The following SCART1 variants were observed in gnomAD, a reference collection of about 807,000 sequenced individuals.
SCART1 encodes the protein scavenger receptor family member expressed on T cells 1, also known as scavenger receptor cysteine-rich domain-containing protein SCART1.
In SCART1, 62 loss-of-function variants were observed where a neutral mutation model predicts 36.2. That is an observed-to-expected ratio of 1.71 (90% CI 1.40 to 2.12). The LOEUF (loss-of-function observed/expected upper bound fraction) is 2.12, where lower values mean the gene tolerates loss of function less well. SCART1 is among the 30% of genes most tolerant of loss of function. SCART1 has a pLI of 0.00. For missense variants in SCART1, 1,041 were observed against 540.5 expected (o/e 1.93, Z -9.18); for synonymous variants, 487 against 238.7 (o/e 2.04, Z -9.59).
chr10:133,468,287 A>G (rs2133561366), exon 12 of SCART1: 2 of 213,478 alleles, frequency 9.4e-6, no homozygotes, highest in East Asian at 1.9e-4. Flanking sequence ...TCCGCTCCAC[A>G]GCTCGCTTCT....
At chr10:133,458,242 C>T (rs1241233352) in intron 3 of SCART1, 118 bp from the exon 4 acceptor site, 5 of 700,900 alleles carry the variant, frequency 7.1e-6, no homozygotes, top group Non-Finnish European at 1.3e-5. Flanking sequence ...GCTTGGTAGA[C>T]CCTCTGCCTA....
chr10:133,459,764 G>A, exon 6 of SCART1: 1 of 689,790 alleles, frequency 1.4e-6, no homozygotes, highest in Non-Finnish European at 2.6e-6. Context: ...CCCTGCAGGA[G>A]CCCGCGGGGA....
chr10:133,455,547 A>G (rs1850597756), intron 1 of SCART1, among the ~76,000 whole-genome samples: 1 of 151,864 alleles, frequency 6.6e-6, no homozygotes, highest in African/African-American at 2.4e-5. Flanking sequence ...ACCCACATGG[A>G]CTTCCTCCTA....
At chr10:133,457,632 T>TGGGGAGGGCAGG in intron 3 of SCART1, 57 bp downstream of exon 3, 1 of 613,436 alleles carries the variant, frequency 1.6e-6, no homozygotes, top group Admixed American at 2.9e-5. Context: ...GGCCCGGACC[T>TGGGGAGGGCAGG]GGGGAGGGCA....
At chr10:133,460,496 A>ATATATATTT in intron 6 of SCART1, among the ~76,000 whole-genome samples, 1 of 136,016 alleles carries the variant, frequency 7.4e-6, no homozygotes, top group African/African-American at 2.7e-5. Context: ...ATATTTATAT[A>ATATATATTT]TTTTAAAAAA....
At chr10:133,454,024 A>T (rs1235246978) in exon 1 of SCART1, 1 of 702,812 alleles carries the variant, frequency 1.4e-6, no homozygotes, top group Admixed American at 2.0e-5. Flanking sequence ...GGACCCTGGG[A>T]CTCGGGCCCC....
rs141282433 is a variant in SCART1 at position 133,458,577 on chromosome 10, C to T, written c.900C>T (p.Asn300=). ...CGGAGGCCTTCCGCTGTGCGGGCAA[C>T]GAGTCGCTGCTGTTCCACTGCCCAC... The change falls in exon 4 of 12, where the codon AAC becomes AAT. Residue 300 remains asparagine (N), a synonymous_variant. Transcript: ENST00000640237. 142 of 686,818 alleles carry T rather than the reference C, an allele frequency of 2.1e-4. 1 individual carries two copies. The highest frequency in any genetic ancestry group is 1.4e-3 in the East Asian group (52 of 37,190). 42.5% of individuals were successfully genotyped at this position (686,818 alleles called of 1,614,324 possible).
chr10:133,459,972 C>T, exon 6 of SCART1: 1 of 544,872 alleles, frequency 1.8e-6, no homozygotes, highest in Non-Finnish European at 3.2e-6. Flanking sequence ...GCGGGACGCG[C>T]ACGTGGTCTG....
Position 133,458,099 on chromosome 10 carries a change from C to T in SCART1, c.683-261C>T, listed in dbSNP as rs1455172669. 1.0e-5 allele frequency: 7 copies of T among 672,998 alleles called. No individual in the cohort carries two copies. In the Admixed American group the frequency reaches 1.6e-4, roughly 15 times the overall value. The allele number at this position is 672,998 out of a possible 1,614,324, so 41.7% of individuals were successfully genotyped here. A position where few individuals can be genotyped will look rare whatever the true frequency, so the allele number is the denominator to read the frequency against. On this transcript the variant is annotated intron_variant, in intron 3 of 11. Coordinates refer to ENST00000640237, the Ensembl canonical transcript of SCART1. The stretch of plus-strand genomic sequence containing the variant: ...AGGGTGTTGCTGTCATGGCCTCGGA[C>T]AGGCAGAGGCTGTGAAATACGTGAG...
At chr10:133,460,496 A>ATATATTTTTTTTT in intron 6 of SCART1, among the ~76,000 whole-genome samples, 6 of 136,016 alleles carry the variant, frequency 4.4e-5, no homozygotes, top group East Asian at 2.1e-4. Flanking sequence ...ATATTTATAT[A>ATATATTTTTTTTT]TTTTAAAAAA....
At chr10:133,465,551 G>A (rs1274830230) in exon 9 of SCART1, 1 of 548,928 alleles carries the variant, frequency 1.8e-6, no homozygotes, top group East Asian at 3.2e-5. Context: ...GAGGACGCGG[G>A]CGTGCGCTGC....
exon 12 of SCART1, chr10:133,468,384 C>A (rs1384318329): frequency 1.3e-5 from 2 of 155,042 alleles, no homozygotes; most frequent in African/African-American, 4.8e-5. Context: ...TCCAAAGTAT[C>A]TTTTAAATGT....
exon 3 of SCART1, chr10:133,457,369 T>A: frequency 1.4e-6 from 1 of 701,602 alleles, no homozygotes; most frequent in Non-Finnish European, 2.6e-6. Context: ...GTGGACCGCC[T>A]CTGTGTCCTG....
chr10:133,461,567 C>G (rs904835111), intron 6 of SCART1, among the ~76,000 whole-genome samples: 3 of 152,186 alleles, frequency 2.0e-5, no homozygotes, highest in Non-Finnish European at 4.4e-5. Context: ...CCCAGGCATT[C>G]TTGGGGTGTT....
At chr10:133,455,023 T>A (rs1260513413) in intron 1 of SCART1, among the ~76,000 whole-genome samples, 1 of 152,122 alleles carries the variant, frequency 6.6e-6, no homozygotes, top group African/African-American at 2.4e-5. Context: ...TCCCAGCACT[T>A]TGGGAGGCTG....
exon 6 of SCART1, chr10:133,460,021 G>T: frequency 1.9e-6 from 1 of 525,182 alleles, no homozygotes; most frequent in East Asian, 3.4e-5. Context: ...AGCGCCCTGG[G>T]GGCCGCACAC....
chr10:133,458,047 G>A, intron 3 of SCART1: 6 of 593,690 alleles, frequency 1.0e-5, no homozygotes, highest in East Asian at 3.0e-5. Context: ...ACCAAGGGGT[G>A]CCCTGACCTC....
exon 6 of SCART1, chr10:133,460,042 G>A (rs1850678083): frequency 2.0e-6 from 1 of 512,650 alleles, no homozygotes; most frequent in Non-Finnish European, 3.4e-6. Flanking sequence ...TTCGGAGCCG[G>A]GGCAGGGCGC....
chr10:133,459,671 C>G, exon 6 of SCART1: 1 of 697,114 alleles, frequency 1.4e-6, no homozygotes, highest in South Asian at 1.5e-5. Flanking sequence ...CTGCCCCCAG[C>G]CGCGGATCCG....
Sources: allele counts gnomAD v4.1 joint callset (sites outside exome capture counted in the v4.1 genomes callset), GRCh38; gene constraint gnomAD v4.1.1; transcripts MANE v1.5; gene names NCBI Gene and HGNC (gene_info 2026-07-23, HGNC 2026-07-21).